CNOT10: variants seen among roughly 807,000 people sequenced by gnomAD.
The protein encoded by CNOT10 is CCR4-NOT transcription complex subunit 10, also known as CCR4-NOT transcription complex, subunit 10.
In CNOT10, 30 loss-of-function variants were observed where a neutral mutation model predicts 94.6. That is an observed-to-expected ratio of 0.32 (90% CI 0.24 to 0.43). CNOT10 has a LOEUF of 0.43. CNOT10 is among the 20% of genes least tolerant of loss of function. CNOT10 has a pLI of 1.00. For synonymous variants in CNOT10, 289 were observed against 301.6 expected (o/e 0.96, Z 0.43); for missense variants, 759 against 877.2 (o/e 0.87, Z 1.70).
rs1017566048 is a variant in CNOT10 at position 32,730,424 on chromosome 3, A to G, written c.1215+2554A>G. Among the ~76,000 whole-genome samples the G allele has an allele frequency of 7.0e-4, 106 of 152,250 alleles. 1 individual carries two copies. The highest frequency in any genetic ancestry group is 2.5e-3 in the African/African-American group (103 of 41,552). ...GTTGTAAATTTGTAATTTTTAAAAA[A>G]TGGTAAAGATGACTTTCGGTTGCCA... On this transcript the variant is annotated intron_variant, in intron 10 of 18. Transcript: ENST00000328834.
chr3:32,685,866 C>T (rs1418476039), intron 1 of CNOT10, among the ~76,000 whole-genome samples: 1 of 152,168 alleles, frequency 6.6e-6, no homozygotes, highest in Non-Finnish European at 1.5e-5. Flanking sequence ...GGCTGGGATT[C>T]ACCTGGGCTG....
At chr3:32,705,189 A>C (rs1311970582) in intron 3 of CNOT10, among the ~76,000 whole-genome samples, 1 of 152,168 alleles carries the variant, frequency 6.6e-6, no homozygotes, top group Non-Finnish European at 1.5e-5. Context: ...ACTTGAACAG[A>C]ATAGACTAAT....
At chr3:32,748,504 A>T (rs1699808771) in intron 13 of CNOT10, among the ~76,000 whole-genome samples, 1 of 151,906 alleles carries the variant, frequency 6.6e-6, no homozygotes, top group Non-Finnish European at 1.5e-5. Flanking sequence ...TTTTCTTCTG[A>T]TATGTTTTTT....
intron 13 of CNOT10, among the ~76,000 whole-genome samples, chr3:32,749,908 A>C (rs1484795506): frequency 6.6e-6 from 1 of 152,090 alleles, no homozygotes; most frequent in Non-Finnish European, 1.5e-5. Flanking sequence ...GAAGGAAGGA[A>C]AGGAGGGAAG....
Position 32,736,086 on chromosome 3 carries a change from G to T in CNOT10, c.1514+1110G>T, listed in dbSNP as rs956322490. ...TTGTTTTCTTTTTGTTTTGTTTTTT[G>T]TTTGTTTGTTTGTTTTTGAGACAGA... On this transcript the variant is annotated intron_variant, in intron 12 of 18. Transcript: ENST00000328834. Among the ~76,000 whole-genome samples the T allele has an allele frequency of 6.0e-5, 9 of 150,676 alleles. No individual in the cohort carries two copies. In the East Asian group the frequency reaches 1.7e-3, roughly 29 times the overall value.
chr3:32,715,436 A>G (rs1698076778), intron 5 of CNOT10, among the ~76,000 whole-genome samples: 1 of 152,190 alleles, frequency 6.6e-6, no homozygotes, highest in South Asian at 2.1e-4. Flanking sequence ...TACCAGAGAA[A>G]TGCAGAGGAG....
chr3:32,702,194 CA>C (rs1270519164), intron 1 of CNOT10, among the ~76,000 whole-genome samples: 1 of 151,100 alleles, frequency 6.6e-6, no homozygotes, highest in Non-Finnish European at 1.5e-5. Context: ...CTCCCAGGTT[CA>C]AGCAATTCTC....
intron 13 of CNOT10, among the ~76,000 whole-genome samples, chr3:32,742,994 T>C (rs1699538174): frequency 6.6e-6 from 1 of 151,360 alleles, no homozygotes; most frequent in South Asian, 2.1e-4. Flanking sequence ...CTTTTTTTTT[T>C]TTTTTTTTTG....
intron 3 of CNOT10, among the ~76,000 whole-genome samples, chr3:32,706,347 AT>A (rs1697622489): frequency 6.6e-6 from 1 of 152,156 alleles, no homozygotes; most frequent in Non-Finnish European, 1.5e-5. Context: ...TGAATAAGCA[AT>A]TCCTGCAAAC....
At chr3:32,715,108 C>A (rs1185923920) in intron 5 of CNOT10, among the ~76,000 whole-genome samples, 2 of 152,264 alleles carry the variant, frequency 1.3e-5, no homozygotes, top group Non-Finnish European at 1.5e-5. Context: ...CTTATGTGCT[C>A]TGCCCGGTTC....
chr3:32,737,174 G>A (rs1000487839), intron 12 of CNOT10, among the ~76,000 whole-genome samples: 3 of 152,108 alleles, frequency 2.0e-5, no homozygotes, highest in Non-Finnish European at 4.4e-5. Flanking sequence ...AATTAGCTGG[G>A]CGTGGTGGTG....
At chr3:32,702,998 A>G (rs1200188891) in intron 1 of CNOT10, among the ~76,000 whole-genome samples, 1 of 140,084 alleles carries the variant, frequency 7.1e-6, no homozygotes, top group Admixed American at 7.3e-5. Context: ...TGCAAGCTCC[A>G]CCTCCCAGGT....
intron 14 of CNOT10, among the ~76,000 whole-genome samples, 182 bp downstream of exon 14, chr3:32,759,753 T>TA (rs1700365043): frequency 1.3e-5 from 2 of 152,210 alleles, no homozygotes; most frequent in Non-Finnish European, 2.9e-5. Flanking sequence ...ACTTGTGCTG[T>TA]ACTGAGCGTT....
At position 32,772,720 on chromosome 3, in the gene CNOT10, C is replaced by T. The variant is rs554161029; in HGVS notation, c.2081-737C>T. Among the ~76,000 whole-genome samples the T allele has an allele frequency of 1.5e-4, 23 of 152,222 alleles. No individual in the cohort carries two copies. In the Middle Eastern group the frequency reaches 0.014, roughly 90 times the overall value. ...TCAAAAAAAACCCAATGTTCTAAGG[C>T]ATAACTCCTTGTTGACCTTGGGAAC... is the stretch of plus-strand genomic sequence containing the variant. On this transcript the variant is annotated intron_variant, in intron 18 of 18. Transcript: ENST00000328834.
At chr3:32,721,927 C>G (rs1302715322) in intron 8 of CNOT10, among the ~76,000 whole-genome samples, 1 of 152,000 alleles carries the variant, frequency 6.6e-6, no homozygotes, top group Non-Finnish European at 1.5e-5. Context: ...GCTGGGATTA[C>G]AGGCGTGAGC....
At chr3:32,732,512 G>A (rs938418724) in intron 10 of CNOT10, among the ~76,000 whole-genome samples, 3 of 151,962 alleles carry the variant, frequency 2.0e-5, no homozygotes, top group African/African-American at 7.3e-5. Flanking sequence ...CTTGAGCCCA[G>A]GAGGCCGAAG....
intron 13 of CNOT10, among the ~76,000 whole-genome samples, chr3:32,748,170 A>G (rs897047137): frequency 6.6e-6 from 1 of 152,174 alleles, no homozygotes; most frequent in Non-Finnish European, 1.5e-5. Flanking sequence ...GGCTCTAATT[A>G]TATTTCTCTT....
At position 32,764,776 on chromosome 3, in the gene CNOT10, C is replaced by T. The variant is rs1025671378; in HGVS notation, c.1971C>T (p.Ser657=). 5.0e-6 allele frequency: 8 copies of T among 1,613,962 alleles called. No individual in the cohort carries two copies. The Admixed American group carries it at 8.3e-5, about 17-fold the overall frequency. The change falls in exon 17 of 19, where the codon AGC becomes AGT. Residue 657 remains serine, a synonymous_variant. Coordinates refer to ENST00000328834, the MANE Select transcript of CNOT10 (RefSeq NM_015442.3). ...FNLGSAYCLR[S]EYDKARKCLH... is the part of the protein sequence containing the mutation. ...TTGGCAGCGCTTACTGCCTGAGGAGCGAATATGACAAAGCCCGAAAGTGTC... is the reference window on the plus strand; with the variant it reads ...TTGGCAGCGCTTACTGCCTGAGGAGTGAATATGACAAAGCCCGAAAGTGTC...
chr3:32,764,399 G>T, intron 15 of CNOT10, 56 bp from the exon 16 acceptor site: 2 of 1,560,182 alleles, frequency 1.3e-6, no homozygotes, highest in Non-Finnish European at 1.7e-6. Flanking sequence ...GAGGAGAAAA[G>T]AAAGAAAATA....
Sources: allele counts gnomAD v4.1 joint callset (sites outside exome capture counted in the v4.1 genomes callset), GRCh38; gene constraint gnomAD v4.1.1; transcripts MANE v1.5; gene names NCBI Gene and HGNC (gene_info 2026-07-23, HGNC 2026-07-21).